THEMIS: variants seen among roughly 807,000 people sequenced by gnomAD.
THEMIS encodes the protein protein THEMIS.
THEMIS carries 37 observed loss-of-function variants against 52.6 expected under a neutral mutation model. The ratio of observed to expected loss-of-function variants is 0.70; its 90% confidence interval spans 0.54 to 0.93. THEMIS has a LOEUF of 0.93. Ranked by LOEUF, THEMIS falls within the 40% of genes least tolerant of loss-of-function variation. The probability of loss-of-function intolerance (pLI) is 0.00; values close to 1 mark genes in which losing one functional copy is unlikely to be tolerated. For synonymous variants in THEMIS, 292 were observed against 272.7 expected, an observed-to-expected ratio of 1.07 and a Z score of -0.70; for missense variants, 808 against 763.1, an observed-to-expected ratio of 1.06 and a Z score of -0.69.
chr6:127,826,921 C>T (rs1220251488), intron 3 of THEMIS, among the ~76,000 whole-genome samples: 2 of 151,888 alleles, frequency 1.3e-5, no homozygotes, highest in Non-Finnish European at 2.9e-5. Context: ...GAAACAAATA[C>T]TTCATTTAAA....
chr6:127,903,228 C>T (rs1781188757), upstream of THEMIS, among the ~76,000 whole-genome samples: 1 of 151,952 alleles, frequency 6.6e-6, no homozygotes, highest in Non-Finnish European at 1.5e-5. Context: ...CTGCTTTAGA[C>T]CAGATCGTAA....
At chr6:127,850,906 T>A (rs996225808) in intron 2 of THEMIS, among the ~76,000 whole-genome samples, 1 of 151,606 alleles carries the variant, frequency 6.6e-6, no homozygotes, top group African/African-American at 2.4e-5. Flanking sequence ...AATAATAACA[T>A]AACCTGTCTC....
At chr6:127,814,984 T>C (rs952669531) in intron 3 of THEMIS, among the ~76,000 whole-genome samples, 2 of 152,058 alleles carry the variant, frequency 1.3e-5, no homozygotes, top group Admixed American at 1.3e-4. Context: ...TAGTGAGACC[T>C]TGTCTCTGTA....
rs544144047 is a variant in THEMIS at position 127,879,467 on chromosome 6, T to G, written c.91+21375A>C. Among the ~76,000 whole-genome samples the G allele has an allele frequency of 1.5e-3, 222 of 152,056 alleles. 4 individuals are homozygous for G. The highest frequency in any genetic ancestry group is 2.6e-3 in the Non-Finnish European group (174 of 68,010). ...GATTATCTGTTTCCTTATATTTAAG[T>G]ATCATGAAGAAAGATAATTGTTGCT... On this transcript the variant is annotated intron_variant, in intron 1 of 5. Coordinates refer to ENST00000368248, the MANE Select transcript of THEMIS (RefSeq NM_001010923.3).
chr6:127,765,838 T>C (rs941031355), intron 4 of THEMIS, among the ~76,000 whole-genome samples: 1 of 152,128 alleles, frequency 6.6e-6, no homozygotes, highest in Non-Finnish European at 1.5e-5. Flanking sequence ...AAGTACACTC[T>C]ATAATATTTA....
At chr6:127,742,536 A>AATG (rs542815884) in intron 4 of THEMIS, among the ~76,000 whole-genome samples, 25 of 152,292 alleles carry the variant, frequency 1.6e-4, no homozygotes, top group African/African-American at 5.8e-4. Flanking sequence ...TTCATGGATG[A>AATG]ATGGATAAAC....
At chr6:127,886,623 C>A (rs1780653226) in intron 1 of THEMIS, among the ~76,000 whole-genome samples, 1 of 152,026 alleles carries the variant, frequency 6.6e-6, no homozygotes, top group South Asian at 2.1e-4. Context: ...CCCATGGGCA[C>A]TCCATGTTTA....
intron 1 of THEMIS, among the ~76,000 whole-genome samples, chr6:127,866,032 A>G (rs2114357526): frequency 6.6e-6 from 1 of 152,188 alleles, no homozygotes; most frequent in East Asian, 1.9e-4. Flanking sequence ...ATGCATTGAT[A>G]ATATGAGGAA....
chr6:127,805,016 T>C (rs1777654088), intron 4 of THEMIS, among the ~76,000 whole-genome samples: 1 of 152,136 alleles, frequency 6.6e-6, no homozygotes, highest in African/African-American at 2.4e-5. Context: ...TCAGCCTTTT[T>C]AATTTTGTGT....
Position 127,823,066 on chromosome 6 carries a change from A to T in THEMIS, c.709+6410T>A, listed in dbSNP as rs147404329. Among the ~76,000 whole-genome samples, 21 of 152,266 alleles carry T rather than the reference A, an allele frequency of 1.4e-4. 2 individuals are homozygous for T. In the East Asian group the frequency reaches 4.0e-3, roughly 29 times the overall value. ...AATTAGGTATATTTAGCACACATAGATATTCTTTTTCTCTGGAAAATCCTA... is the reference window on the plus strand; with the variant it reads ...AATTAGGTATATTTAGCACACATAGTTATTCTTTTTCTCTGGAAAATCCTA... On this transcript the variant is annotated intron_variant, in intron 3 of 5. Transcript: ENST00000368248.
chr6:127,851,591 A>G (rs1188506081), intron 2 of THEMIS, among the ~76,000 whole-genome samples: 1 of 151,824 alleles, frequency 6.6e-6, no homozygotes, highest in Non-Finnish European at 1.5e-5. Context: ...TATGAGAAGC[A>G]TATCCTGAAT....
intron 3 of THEMIS, among the ~76,000 whole-genome samples, chr6:127,824,888 G>A (rs1778455174): frequency 6.6e-6 from 1 of 152,120 alleles, no homozygotes; most frequent in Non-Finnish European, 1.5e-5. Flanking sequence ...TTGCGCCACT[G>A]CACTCCAGCC....
intron 4 of THEMIS, among the ~76,000 whole-genome samples, chr6:127,766,818 G>T (rs2114415955): frequency 1.3e-5 from 2 of 152,258 alleles, no homozygotes; most frequent in South Asian, 4.2e-4. Context: ...AATGAAATTT[G>T]AAGGACTGGA....
In THEMIS at chr6:127,911,345, CCTT is replaced by C. The variant is rs976679958; in HGVS notation, c.-150+7080_-150+7082del. Among the ~76,000 whole-genome samples, 8 of 150,454 alleles carry C rather than the reference CCTT, an allele frequency of 5.3e-5. 1 individual carries two copies. The highest frequency in any genetic ancestry group is 2.0e-4 in the African/African-American group (8 of 40,228). ...TTTAAAGGAGATATTTCTGTCTTCT[CCTT>C]CATTTATTTATTTATTTATTTATTT... On this transcript the variant is annotated intron_variant, in intron 1 of 6. Coordinates refer to the THEMIS transcript ENST00000368250.
intron 1 of THEMIS, among the ~76,000 whole-genome samples, chr6:127,886,417 A>G (rs1244674294): frequency 6.6e-6 from 1 of 152,190 alleles, no homozygotes. Flanking sequence ...CATATATTCC[A>G]AAGAAAGAAT....
chr6:127,698,690 A>G, the THEMIS span, among the ~76,000 whole-genome samples: 4 of 152,014 alleles, frequency 2.6e-5, no homozygotes, highest in Non-Finnish European at 5.9e-5. Flanking sequence ...CCTAGAAGCT[A>G]TATACTACAT....
intron 2 of THEMIS, among the ~76,000 whole-genome samples, chr6:127,835,328 G>C (rs1162019107): frequency 1.3e-5 from 2 of 152,126 alleles, no homozygotes; most frequent in Admixed American, 6.6e-5. Context: ...TAAGATTATG[G>C]CTTGACAATT....
intron 3 of THEMIS, among the ~76,000 whole-genome samples, chr6:127,816,699 T>C (rs1778147795): frequency 2.0e-5 from 3 of 152,192 alleles, no homozygotes; most frequent in Non-Finnish European, 4.4e-5. Context: ...GCAAATATTA[T>C]TTTTAGATGC....
chr6:127,708,973 T>A lies in THEMIS; in HGVS notation c.*1012A>T, dbSNP rs188518307. The A allele has an allele frequency of 2.7e-3, 409 of 152,078 alleles. 4 individuals carry two copies. The highest frequency in any genetic ancestry group is 9.2e-3 in the African/African-American group (382 of 41,538). 9.4% of individuals were successfully genotyped at this position (152,078 alleles called of 1,614,324 possible). A position where few individuals can be genotyped will look rare whatever the true frequency, so the allele number is the denominator to read the frequency against. On this transcript the variant is annotated 3_prime_UTR_variant, in exon 6 of 6. Coordinates refer to ENST00000368248, the MANE Select transcript of THEMIS (RefSeq NM_001010923.3). ...CAAGCATTACTATTAAATTCCTATG[T>A]AACATTAACCAGATAGCCTGTCTCT...
Sources: allele counts gnomAD v4.1 joint callset (sites outside exome capture counted in the v4.1 genomes callset), GRCh38; gene constraint gnomAD v4.1.1; transcripts MANE v1.5; gene names NCBI Gene and HGNC (gene_info 2026-07-23, HGNC 2026-07-21).